TMEM156: variants seen among roughly 807,000 people sequenced by gnomAD.
TMEM156 encodes the protein transmembrane protein 156.
TMEM156 carries 28 observed loss-of-function variants against 30.5 expected under a neutral mutation model. The observed-to-expected ratio is 0.92, with a 90% CI of 0.68 to 1.26. TMEM156 has a LOEUF of 1.26. TMEM156 is among the 50% of genes most tolerant of loss of function. TMEM156 has a pLI of 0.00. For synonymous variants in TMEM156, 137 were observed against 119.9 expected (o/e 1.14, Z -0.93); for missense variants, 351 against 340.6 (o/e 1.03, Z -0.24).
intron 1 of TMEM156, among the ~76,000 whole-genome samples, chr4:39,001,483 C>G (rs903686485): frequency 6.7e-6 from 1 of 149,144 alleles, no homozygotes; most frequent in African/African-American, 2.5e-5. Flanking sequence ...TCATTTGGGG[C>G]AAAATATATT....
At chr4:38,994,144 A>G in intron 2 of TMEM156, 146 bp from the exon 3 acceptor site, 1 of 752,914 alleles carries the variant, frequency 1.3e-6, no homozygotes, top group South Asian at 1.9e-5. Flanking sequence ...CATATTTTTG[A>G]GACAGGGTCT....
At chr4:38,972,242 A>ATTTTTTTTTTTTTTTTTT (rs144479056) in intron 5 of TMEM156, among the ~76,000 whole-genome samples, 3 of 75,816 alleles carry the variant, frequency 4.0e-5, no homozygotes, top group Non-Finnish European at 6.9e-5. Context: ...TTCTCTGGGA[A>ATTTTTTTTTTTTTTTTTT]TTTTTTTTTT....
At chr4:38,989,613 A>G (rs1244754555) in intron 3 of TMEM156, among the ~76,000 whole-genome samples, 2 of 152,150 alleles carry the variant, frequency 1.3e-5, no homozygotes, top group Non-Finnish European at 2.9e-5. Flanking sequence ...TCAGATGACA[A>G]TGAGGCAACA....
Position 38,993,495 on chromosome 4 carries a change from C to T in TMEM156, c.619+243G>A, listed in dbSNP as rs534371376. On this transcript the variant is annotated intron_variant, in intron 3 of 6. Coordinates refer to ENST00000381938, the MANE Select transcript of TMEM156 (RefSeq NM_024943.3). Reference sequence around the variant, plus strand: ...ATTATTCTGAGGCAGAAGGTCTTTCCAGTGCTCCTCAAATCGTGACCCATA... The same window carrying T: ...ATTATTCTGAGGCAGAAGGTCTTTCTAGTGCTCCTCAAATCGTGACCCATA... Among the ~76,000 whole-genome samples the T allele has an allele frequency of 2.0e-5, 3 of 152,232 alleles. No individual in the cohort carries two copies. The South Asian group carries it at 6.2e-4, about 32-fold the overall frequency.
At chr4:39,025,699 G>A (rs1715159999) in intron 1 of TMEM156, among the ~76,000 whole-genome samples, 1 of 152,162 alleles carries the variant, frequency 6.6e-6, no homozygotes, top group Admixed American at 6.5e-5. Context: ...GTCAAAATAA[G>A]AGAAGCAAAT....
intron 1 of TMEM156, among the ~76,000 whole-genome samples, chr4:39,022,697 C>T (rs969279566): frequency 6.6e-6 from 1 of 152,112 alleles, no homozygotes; most frequent in Non-Finnish European, 1.5e-5. Context: ...AATATCTTTC[C>T]ATAAAATTTT....
intron 1 of TMEM156, 121 bp from the exon 2 acceptor site, chr4:38,999,030 G>A: frequency 1.8e-6 from 1 of 565,840 alleles, no homozygotes; most frequent in Non-Finnish European, 2.8e-6. Flanking sequence ...CAGCTTATCA[G>A]AGACAAGACT....
chr4:38,986,683 CTG>C (rs1159594912), intron 4 of TMEM156, among the ~76,000 whole-genome samples: 2 of 151,210 alleles, frequency 1.3e-5, no homozygotes, highest in Non-Finnish European at 2.9e-5. Context: ...TGGTGCATGC[CTG>C]TAGTCCCAGC....
At chr4:39,007,135 A>G (rs1169575279) in intron 1 of TMEM156, among the ~76,000 whole-genome samples, 1 of 152,064 alleles carries the variant, frequency 6.6e-6, no homozygotes. Flanking sequence ...CGGGTTCTCA[A>G]TTTTGTTCCT....
chr4:39,000,214 C>T (rs1376497247), intron 1 of TMEM156, among the ~76,000 whole-genome samples: 2 of 151,898 alleles, frequency 1.3e-5, no homozygotes, highest in Non-Finnish European at 2.9e-5. Context: ...GACAACATGG[C>T]CACCCCATCT....
chr4:39,014,757 C>CAAAAAAAAA (rs34040774), intron 1 of TMEM156, among the ~76,000 whole-genome samples: 1 of 125,322 alleles, frequency 8.0e-6, no homozygotes. Flanking sequence ...GACTCCATCT[C>CAAAAAAAAA]AAAAAAAAAA....
intron 1 of TMEM156, among the ~76,000 whole-genome samples, chr4:39,009,032 G>C (rs1359806164): frequency 6.6e-6 from 1 of 151,952 alleles, no homozygotes; most frequent in African/African-American, 2.4e-5. Context: ...AAGAAAAAGA[G>C]AAGAGCTAAA....
At chr4:38,992,689 ATATAT>A (rs1712566823) in intron 3 of TMEM156, among the ~76,000 whole-genome samples, 1 of 47,156 alleles carries the variant, frequency 2.1e-5, no homozygotes, top group South Asian at 6.8e-4. Flanking sequence ...ATATTATATA[ATATAT>A]TATATAATAT....
chr4:38,969,450 A>G (rs1328860240), intron 6 of TMEM156, among the ~76,000 whole-genome samples: 1 of 147,252 alleles, frequency 6.8e-6, no homozygotes, highest in African/African-American at 2.4e-5. Context: ...GTATATATGC[A>G]CCACATTTGT....
rs566561314 is a variant in TMEM156, at chr4:38,976,215, C to T, written c.824-5078G>A. ...GGCAGGAGAATCCCTTCAACTCACT[C>T]GGGAGGCGGAAGTTGCAGTGAGCCA... On this transcript the variant is annotated intron_variant, in intron 5 of 6. Transcript: ENST00000381938. Among the ~76,000 whole-genome samples the T allele has an allele frequency of 9.4e-4, 136 of 143,930 alleles. 1 individual carries two copies. The highest frequency in any genetic ancestry group is 4.1e-3 in the South Asian group (18 of 4,358). The allele number at this position is 143,930 out of a possible 152,430, so 94.4% of individuals were successfully genotyped here.
At chr4:39,023,590 C>T (rs1715007697) in intron 1 of TMEM156, among the ~76,000 whole-genome samples, 1 of 152,204 alleles carries the variant, frequency 6.6e-6, no homozygotes, top group South Asian at 2.1e-4. Flanking sequence ...CGCCTGTAAT[C>T]CCAGCACAGT....
At chr4:38,976,457 A>C (rs1031247965) in intron 5 of TMEM156, among the ~76,000 whole-genome samples, 1 of 152,174 alleles carries the variant, frequency 6.6e-6, no homozygotes, top group Non-Finnish European at 1.5e-5. Context: ...AATTCTTCCC[A>C]TAACCCGAGT....
intron 1 of TMEM156, among the ~76,000 whole-genome samples, chr4:39,026,081 T>G (rs533731408): frequency 2.0e-5 from 3 of 152,310 alleles, no homozygotes; most frequent in East Asian, 3.9e-4. Context: ...AACCTCGGTT[T>G]CATGGAGCTT....
intron 5 of TMEM156, among the ~76,000 whole-genome samples, chr4:38,979,581 G>A (rs1047614009): frequency 2.0e-5 from 3 of 152,226 alleles, no homozygotes; most frequent in Admixed American, 6.5e-5. Flanking sequence ...ATATTCAGCA[G>A]GGGAGGCCTA....
Sources: gnomAD v4.1 joint callset for allele counts (sites outside exome capture counted in the v4.1 genomes callset) on GRCh38, gnomAD v4.1.1 for gene constraint, MANE v1.5 for transcripts, NCBI Gene and HGNC (gene_info 2026-07-23, HGNC 2026-07-21) for gene names.